The following TEAD1 variants were observed in gnomAD, a reference collection of about 807,000 sequenced individuals.
TEAD1 encodes TEA domain transcription factor 1, also known as transcriptional enhancer factor TEF-1.
Under a neutral mutation model 54.9 loss-of-function variants are expected in TEAD1, and 9 were observed. That is an observed-to-expected ratio of 0.16 (90% CI 0.10 to 0.29). TEAD1 has a LOEUF of 0.29. Among genes scored for constraint, TEAD1 ranks in the 10% least tolerant of loss-of-function variants. TEAD1 has a pLI of 1.00. For synonymous variants in TEAD1, 200 were observed against 187.8 expected, an observed-to-expected ratio of 1.07 and a Z score of -0.53; for missense variants, 387 against 535.9, an observed-to-expected ratio of 0.72 and a Z score of 2.74.
chr11:12,784,962 C>T (rs545235876), intron 3 of TEAD1, among the ~76,000 whole-genome samples: 141 of 152,344 alleles, frequency 9.3e-4, no homozygotes, highest in African/African-American at 3.2e-3. Context: ...CCAGCTTGCT[C>T]TCTTGGGGTC....
intron 2 of TEAD1, among the ~76,000 whole-genome samples, chr11:12,744,687 T>A (rs1240935923): frequency 2.0e-5 from 3 of 152,210 alleles, no homozygotes; most frequent in Non-Finnish European, 4.4e-5. Flanking sequence ...CCAGAAATAT[T>A]TTTAAAAACC....
Position 12,840,246 on chromosome 11 carries a change from C to CAA in TEAD1, c.203-21989_203-21988dup, listed in dbSNP as rs1176865272. ...TGGGCGACAGAGCGAGACTCTGCCTCAAAAAAAAAAAAAAAAGAAAAAAAA... is the reference window on the plus strand; with the variant it reads ...TGGGCGACAGAGCGAGACTCTGCCTCAAAAAAAAAAAAAAAAAAGAAAAAAAA... On this transcript the variant is annotated intron_variant, in intron 3 of 12. Coordinates refer to ENST00000527636, the MANE Select transcript of TEAD1 (RefSeq NM_021961.6). Among the ~76,000 whole-genome samples the CAA allele has an allele frequency of 7.9e-3, 249 of 31,510 alleles. 11 individuals are homozygous for CAA. The highest frequency in any genetic ancestry group is 0.017 in the African/African-American group (109 of 6,280). The allele number at this position is 31,510 out of a possible 152,430, so 20.7% of individuals were successfully genotyped here.
chr11:12,706,682 T>C (rs1261467833), intron 2 of TEAD1, among the ~76,000 whole-genome samples: 1 of 152,204 alleles, frequency 6.6e-6, no homozygotes, highest in Non-Finnish European at 1.5e-5. Context: ...GTCACTGAGC[T>C]CTTTTCTTAC....
chr11:12,773,661 A>C (rs912405329), intron 3 of TEAD1, among the ~76,000 whole-genome samples: 1 of 151,274 alleles, frequency 6.6e-6, no homozygotes, highest in Admixed American at 6.6e-5. Flanking sequence ...TCTAGATACA[A>C]CTCCCTTTTT....
chr11:12,906,879 C>T (rs913407862), intron 10 of TEAD1, among the ~76,000 whole-genome samples: 2 of 152,154 alleles, frequency 1.3e-5, no homozygotes, highest in Non-Finnish European at 2.9e-5. Flanking sequence ...GTATATACCA[C>T]ATTTTGCTTT....
chr11:12,725,168 A>G (rs1358084657), intron 2 of TEAD1, among the ~76,000 whole-genome samples: 1 of 152,092 alleles, frequency 6.6e-6, no homozygotes, highest in Non-Finnish European at 1.5e-5. Context: ...TCTGAATTGG[A>G]TATATTGTTA....
chr11:12,783,131 T>C (rs541750086), intron 3 of TEAD1, among the ~76,000 whole-genome samples: 2 of 148,372 alleles, frequency 1.3e-5, no homozygotes, highest in African/African-American at 2.6e-5. Context: ...TGTGTGTGTG[T>C]GTGCGCGCAC....
chr11:12,880,889 A>G, intron 6 of TEAD1, 116 bp from the exon 7 acceptor site: 1 of 1,196,206 alleles, frequency 8.4e-7, no homozygotes, highest in South Asian at 1.2e-5. Flanking sequence ...TGGGAAAGCG[A>G]TTCTGTTGGG....
chr11:12,914,702 CT>C (rs1948679491), intron 10 of TEAD1, among the ~76,000 whole-genome samples: 1 of 151,492 alleles, frequency 6.6e-6, no homozygotes, highest in African/African-American at 2.4e-5. Flanking sequence ...CCCCTTCTCT[CT>C]GCCCATGGCA....
chr11:12,909,193 T>G (rs536262352), intron 10 of TEAD1, among the ~76,000 whole-genome samples: 4 of 152,348 alleles, frequency 2.6e-5, no homozygotes, highest in African/African-American at 9.6e-5. Context: ...TGATTACTAT[T>G]AAGGTTGAAA....
At chr11:12,691,091 A>G (rs1943448363) in intron 2 of TEAD1, among the ~76,000 whole-genome samples, 1 of 152,208 alleles carries the variant, frequency 6.6e-6, no homozygotes, top group East Asian at 1.9e-4. Flanking sequence ...TAGCAACTAT[A>G]TGGTTAACCT....
chr11:12,905,826 G>T (rs1948508183), intron 10 of TEAD1, among the ~76,000 whole-genome samples: 1 of 152,136 alleles, frequency 6.6e-6, no homozygotes, highest in Non-Finnish European at 1.5e-5. Context: ...CCTGAATTTG[G>T]TTTTCAGAAT....
chr11:12,919,843 A>G (rs1173444088), intron 10 of TEAD1, among the ~76,000 whole-genome samples: 1 of 152,136 alleles, frequency 6.6e-6, no homozygotes, highest in Non-Finnish European at 1.5e-5. Context: ...TTTATTTTAT[A>G]TATAGAACAT....
intron 9 of TEAD1, among the ~76,000 whole-genome samples, chr11:12,894,967 A>G (rs145523670): frequency 3.2e-3 from 485 of 152,274 alleles, no homozygotes; most frequent in African/African-American, 0.011. Flanking sequence ...ACATATTTCC[A>G]CTATGGCTGT....
At chr11:12,875,652 G>A (rs1238625543) in intron 5 of TEAD1, among the ~76,000 whole-genome samples, 1 of 152,178 alleles carries the variant, frequency 6.6e-6, no homozygotes, top group East Asian at 1.9e-4. Flanking sequence ...GAAATCACTG[G>A]TATAGACATT....
chr11:12,890,885 C>T (rs1948185208), intron 9 of TEAD1, among the ~76,000 whole-genome samples: 1 of 152,206 alleles, frequency 6.6e-6, no homozygotes, highest in African/African-American at 2.4e-5. Flanking sequence ...CTGCCTCAGC[C>T]TCCCACATAG....
At chr11:12,850,681 A>G (rs976526107) in intron 3 of TEAD1, among the ~76,000 whole-genome samples, 8 of 152,238 alleles carry the variant, frequency 5.3e-5, no homozygotes, top group African/African-American at 1.9e-4. Context: ...GCAGCATTGC[A>G]TCATTAAAGA....
intron 2 of TEAD1, among the ~76,000 whole-genome samples, chr11:12,697,076 A>G (rs1385906059): frequency 1.3e-5 from 2 of 152,102 alleles, no homozygotes; most frequent in African/African-American, 4.8e-5. Context: ...GCCTGGGGGC[A>G]CTGAAGAGTT....
intron 9 of TEAD1, among the ~76,000 whole-genome samples, chr11:12,894,217 A>G (rs1236643324): frequency 6.6e-6 from 1 of 152,148 alleles, no homozygotes; most frequent in Non-Finnish European, 1.5e-5. Flanking sequence ...TTCTTCAAAT[A>G]CTTAGAATTT....
Sources: allele counts gnomAD v4.1 joint callset (sites outside exome capture counted in the v4.1 genomes callset), GRCh38; gene constraint gnomAD v4.1.1; transcripts MANE v1.5; gene names NCBI Gene and HGNC (gene_info 2026-07-23, HGNC 2026-07-21).